The following NXPE2 variants were observed in gnomAD, a reference collection of about 807,000 sequenced individuals.
NXPE2 encodes the protein NXPE family member 2.
In NXPE2, 34 loss-of-function variants were observed where a neutral mutation model predicts 34.4. The ratio of observed to expected loss-of-function variants is 0.99; its 90% CI spans 0.75 to 1.31. The LOEUF is 1.31. NXPE2 is among the 40% of genes most tolerant of loss of function. The probability of loss-of-function intolerance (pLI) is 0.00; values close to 1 mark genes in which losing one functional copy is unlikely to be tolerated. For synonymous variants in NXPE2, 235 were observed against 231.3 expected, an observed-to-expected ratio of 1.02 and a Z score of -0.15; for missense variants, 649 against 672.5, an observed-to-expected ratio of 0.97 and a Z score of 0.39.
At chr11:114,514,314 C>T in the NXPE2 span, among the ~76,000 whole-genome samples, 1 of 152,130 alleles carries the variant, frequency 6.6e-6, no homozygotes, top group Non-Finnish European at 1.5e-5. Flanking sequence ...CTTGTATTTG[C>T]ATCCTGGAAA....
the NXPE2 span, among the ~76,000 whole-genome samples, chr11:114,632,886 T>A: frequency 2.4e-4 from 9 of 38,242 alleles, no homozygotes; most frequent in Admixed American, 1.0e-3. Flanking sequence ...AATTATATAT[T>A]ATATAATTTT....
the NXPE2 span, among the ~76,000 whole-genome samples, chr11:114,812,810 A>G: frequency 2.6e-5 from 4 of 152,240 alleles, no homozygotes; most frequent in South Asian, 8.3e-4. Context: ...AGAAGGTGGC[A>G]AGAGAAGAGG....
chr11:114,778,136 G>A, the NXPE2 span, among the ~76,000 whole-genome samples: 1 of 152,154 alleles, frequency 6.6e-6, no homozygotes, highest in African/African-American at 2.4e-5. Context: ...ATCCTTCCCA[G>A]AGTAAACAAT....
the NXPE2 span, among the ~76,000 whole-genome samples, chr11:114,496,393 CA>C: frequency 6.6e-6 from 1 of 152,144 alleles, no homozygotes; most frequent in Non-Finnish European, 1.5e-5. Flanking sequence ...GAAGGGGTGG[CA>C]TAGGCAATTC....
the NXPE2 span, among the ~76,000 whole-genome samples, chr11:114,773,045 T>C: frequency 6.6e-6 from 1 of 152,048 alleles, no homozygotes; most frequent in Admixed American, 6.6e-5. Context: ...GGCACTGGGG[T>C]ATGAAGGCAG....
At chr11:114,808,484 A>T in the NXPE2 span, among the ~76,000 whole-genome samples, 1 of 145,732 alleles carries the variant, frequency 6.9e-6, no homozygotes, top group Non-Finnish European at 1.5e-5. Context: ...AGAATCAAAT[A>T]GATGCAATAA....
the NXPE2 span, chr11:114,518,085 G>A: frequency 6.6e-6 from 1 of 152,254 alleles, no homozygotes; most frequent in Non-Finnish European, 1.5e-5. Flanking sequence ...CACCCTCTGG[G>A]TATAAATTTT....
chr11:114,554,598 TAA>T, the NXPE2 span, among the ~76,000 whole-genome samples: 1 of 152,184 alleles, frequency 6.6e-6, no homozygotes, highest in Non-Finnish European at 1.5e-5. Flanking sequence ...ACATGCTAAA[TAA>T]CAAAATTTAG....
the NXPE2 span, among the ~76,000 whole-genome samples, chr11:114,785,130 T>C: frequency 6.6e-6 from 1 of 152,048 alleles, no homozygotes; most frequent in Non-Finnish European, 1.5e-5. Context: ...ACAAAGGCCA[T>C]TGATGTTCAA....
chr11:114,633,384 T>C, the NXPE2 span, among the ~76,000 whole-genome samples: 7 of 144,156 alleles, frequency 4.9e-5, no homozygotes, highest in Non-Finnish European at 1.1e-4. Context: ...TTATGTATTA[T>C]ATTATATATT....
Position 114,679,762 on chromosome 11 carries a change from G to A in NXPE2, c.132G>A (p.Lys44=), listed in dbSNP as rs756764554. 8 of 1,530,018 alleles carry A rather than the reference G, an allele frequency of 5.2e-6. No homozygotes were observed. Among genetic ancestry groups the A allele is most frequent in the Non-Finnish European group, 7.1e-6 (8 of 1,128,956 alleles). The allele number at this position is 1,530,018 out of a possible 1,614,324, so 94.8% of individuals were successfully genotyped here. ...IIYLASKDHT[K]FSFNLENHII... ...ACTTGGCTTCAAAAGACCACACAAA[G>A]GTAGGAAGTTTCATTTTTAAGAATT... is the stretch of plus-strand genomic sequence containing the variant. The change falls in exon 2 of 6, where the codon AAG becomes AAA. Residue 44 remains lysine, a splice_region_variant and synonymous_variant. Coordinates refer to ENST00000389586, the MANE Select transcript of NXPE2 (RefSeq NM_182495.6).
chr11:114,656,112 A>G, the NXPE2 span, among the ~76,000 whole-genome samples: 62 of 152,282 alleles, frequency 4.1e-4, no homozygotes, highest in Non-Finnish European at 6.9e-4. Context: ...TATAAAAATC[A>G]TAAGTATTCC....
chr11:114,585,298 G>T, the NXPE2 span, among the ~76,000 whole-genome samples: 2 of 151,758 alleles, frequency 1.3e-5, no homozygotes, highest in Non-Finnish European at 2.9e-5. Context: ...TAATAAAATG[G>T]TATATTTCAT....
At chr11:114,615,477 G>A in the NXPE2 span, among the ~76,000 whole-genome samples, 11 of 150,702 alleles carry the variant, frequency 7.3e-5, no homozygotes, top group Admixed American at 4.0e-4. Context: ...GTATTGCTTC[G>A]TGGGTAACCA....
At chr11:114,682,593 C>A (rs1477602651) in intron 2 of NXPE2, among the ~76,000 whole-genome samples, 1 of 152,146 alleles carries the variant, frequency 6.6e-6, no homozygotes, top group South Asian at 2.1e-4. Flanking sequence ...TTTAAAAGCA[C>A]ATACAGGAAG....
intron 2 of NXPE2, among the ~76,000 whole-genome samples, chr11:114,682,634 T>A (rs1196308064): frequency 6.6e-6 from 1 of 152,168 alleles, no homozygotes; most frequent in African/African-American, 2.4e-5. Flanking sequence ...TAATTAAAAT[T>A]TTTTTATTCT....
the NXPE2 span, among the ~76,000 whole-genome samples, chr11:114,609,560 C>T: frequency 6.6e-6 from 1 of 151,814 alleles, no homozygotes. Flanking sequence ...ATGAGTATTG[C>T]CTCCTGGGTA....
chr11:114,784,245 A>C, the NXPE2 span, among the ~76,000 whole-genome samples: 1 of 152,238 alleles, frequency 6.6e-6, no homozygotes, highest in East Asian at 1.9e-4. Flanking sequence ...GAGACCTTCC[A>C]TTGCAACTTG....
chr11:114,741,650 T>C, the NXPE2 span, among the ~76,000 whole-genome samples: 4 of 152,326 alleles, frequency 2.6e-5, no homozygotes, highest in East Asian at 5.8e-4. Flanking sequence ...AGCTCCAGAA[T>C]TTCTATTTGG....
Sources: gnomAD v4.1 joint callset for allele counts (sites outside exome capture counted in the v4.1 genomes callset) on GRCh38, gnomAD v4.1.1 for gene constraint, MANE v1.5 for transcripts, NCBI Gene and HGNC (gene_info 2026-07-23, HGNC 2026-07-21) for gene names.